Variants in PDE1C observed in about 807,000 individuals in gnomAD.
PDE1C encodes phosphodiesterase 1C.
PDE1C carries 62 observed loss-of-function variants against 93.1 expected under a neutral mutation model. The ratio of observed to expected loss-of-function variants is 0.67; its 90% CI spans 0.54 to 0.82. The LOEUF is 0.82. Among genes scored for constraint, PDE1C ranks in the 40% least tolerant of loss-of-function variants. The pLI is 0.00. For missense variants in PDE1C, 742 were observed against 884.6 expected, an observed-to-expected ratio of 0.84 and a Z score of 2.04; for synonymous variants, 325 against 310.1, an observed-to-expected ratio of 1.05 and a Z score of -0.50.
intron 1 of PDE1C, among the ~76,000 whole-genome samples, chr7:32,309,355 T>C (rs1454777188): frequency 6.6e-6 from 1 of 152,074 alleles, no homozygotes; most frequent in Non-Finnish European, 1.5e-5. Flanking sequence ...ACTTCCCCAG[T>C]CCAGCAAGGC....
At chr7:32,380,902 G>C (rs1784522934) in intron 1 of PDE1C, among the ~76,000 whole-genome samples, 1 of 151,902 alleles carries the variant, frequency 6.6e-6, no homozygotes, top group Admixed American at 6.5e-5. Flanking sequence ...CCCATTTGCA[G>C]CTGTACTGCA....
rs939549194 is a variant in PDE1C, at chr7:31,873,328, T to C, written c.573A>G (p.Glu191=). 3 of 1,613,516 alleles carry C rather than the reference T, an allele frequency of 1.9e-6. No homozygotes were observed. Among genetic ancestry groups the C allele is most frequent in the Non-Finnish European group, 2.5e-6 (3 of 1,179,480 alleles). ...GDHALKFIFY[E]LLTRYDLISR... is the part of the protein sequence containing the mutation. The stretch of plus-strand genomic sequence containing the variant: ...TGATCAGATCATAACGTGTGAGTAG[T>C]TCATAGAAAATAAATTTCAGTGCAT... The change falls in exon 6 of 18, where the codon GAA becomes GAG. Residue 191 remains glutamate (E), a synonymous_variant. Coordinates refer to ENST00000396191, the MANE Select transcript of PDE1C (RefSeq NM_001191057.4).
At chr7:32,388,104 T>C (rs1191379633) in intron 1 of PDE1C, among the ~76,000 whole-genome samples, 3 of 152,214 alleles carry the variant, frequency 2.0e-5, no homozygotes, top group Admixed American at 1.3e-4. Flanking sequence ...ACCGATGTAA[T>C]AGCCAGACTA....
intron 3 of PDE1C, among the ~76,000 whole-genome samples, chr7:32,085,798 C>T (rs1797032616): frequency 6.6e-6 from 1 of 151,516 alleles, no homozygotes. Flanking sequence ...TGACAAAATT[C>T]AACAACATTT....
intron 17 of PDE1C, among the ~76,000 whole-genome samples, chr7:31,754,056 A>G (rs1794286887): frequency 7.2e-6 from 1 of 139,642 alleles, no homozygotes; most frequent in Admixed American, 6.8e-5. Context: ...AAAGCTCAAG[A>G]AAAAGAAACA....
chr7:31,757,267 T>C (rs1179093071), intron 17 of PDE1C, among the ~76,000 whole-genome samples: 1 of 152,222 alleles, frequency 6.6e-6, no homozygotes, highest in Non-Finnish European at 1.5e-5. Context: ...AGAACATACA[T>C]TTAAATCATA....
At chr7:31,891,856 T>G (rs980006031) in intron 2 of PDE1C, among the ~76,000 whole-genome samples, 1 of 151,074 alleles carries the variant, frequency 6.6e-6, no homozygotes, top group African/African-American at 2.4e-5. Flanking sequence ...ACAATAAAAC[T>G]GGAGGGCTCT....
intron 16 of PDE1C, chr7:31,789,688 T>C (rs1584090951): frequency 2.8e-5 from 28 of 984,824 alleles, no homozygotes; most frequent in Non-Finnish European, 3.4e-5. Context: ...TGAAAGGAAA[T>C]TGGAGAAAAC....
At chr7:32,186,550 T>G (rs1024824764) in intron 2 of PDE1C, among the ~76,000 whole-genome samples, 3 of 152,166 alleles carry the variant, frequency 2.0e-5, no homozygotes, top group African/African-American at 4.8e-5. Context: ...AGTAGTTGTT[T>G]TTAGTGGTGG....
chr7:31,951,205 G>C (rs1445338647), intron 2 of PDE1C, among the ~76,000 whole-genome samples: 1 of 152,086 alleles, frequency 6.6e-6, no homozygotes, highest in African/African-American at 2.4e-5. Flanking sequence ...TTCAAACATA[G>C]TCACATTGGG....
intron 1 of PDE1C, among the ~76,000 whole-genome samples, chr7:32,314,342 A>T (rs1783125181): frequency 1.3e-5 from 2 of 152,210 alleles, no homozygotes; most frequent in African/African-American, 4.8e-5. Context: ...CAAAGGGAAT[A>T]GCAGAGAAAA....
chr7:31,866,728 C>G (rs1463929864), intron 6 of PDE1C, among the ~76,000 whole-genome samples: 1 of 152,028 alleles, frequency 6.6e-6, no homozygotes, highest in Non-Finnish European at 1.5e-5. Context: ...GAGGAAACAC[C>G]TAAAGCAAGG....
the PDE1C span, among the ~76,000 whole-genome samples, chr7:31,647,210 G>A: frequency 1.7e-4 from 26 of 152,220 alleles, no homozygotes; most frequent in Admixed American, 1.6e-3. Context: ...CTAAGAGTGA[G>A]CCTGGGTTTG....
intron 2 of PDE1C, among the ~76,000 whole-genome samples, chr7:31,885,805 C>G (rs1170245012): frequency 6.6e-6 from 1 of 152,188 alleles, no homozygotes; most frequent in Non-Finnish European, 1.5e-5. Flanking sequence ...TTATACTGGA[C>G]TAGGCATTAT....
intron 2 of PDE1C, among the ~76,000 whole-genome samples, chr7:32,178,777 C>T (rs185294881): frequency 2.6e-5 from 4 of 152,298 alleles, no homozygotes; most frequent in East Asian, 3.9e-4. Context: ...AAATCCTCTC[C>T]GTTCTCTTCA....
intron 3 of PDE1C, among the ~76,000 whole-genome samples, chr7:32,119,500 G>A (rs1305073221): frequency 6.6e-6 from 1 of 152,144 alleles, no homozygotes; most frequent in Non-Finnish European, 1.5e-5. Flanking sequence ...AACATAATGA[G>A]AGATGACCGA....
intron 1 of PDE1C, among the ~76,000 whole-genome samples, chr7:32,240,806 T>C (rs183925189): frequency 2.6e-5 from 4 of 152,074 alleles, no homozygotes; most frequent in Admixed American, 6.5e-5. Flanking sequence ...TAAGAATTGG[T>C]GGGTGGAAGC....
chr7:31,687,821 A>G, the PDE1C span, among the ~76,000 whole-genome samples: 1 of 152,236 alleles, frequency 6.6e-6, no homozygotes, highest in Non-Finnish European at 1.5e-5. Context: ...ACGAGATACC[A>G]CATAGGCTGT....
intron 2 of PDE1C, among the ~76,000 whole-genome samples, chr7:32,179,340 AC>A (rs1028817070): frequency 2.1e-4 from 32 of 149,746 alleles, no homozygotes; most frequent in African/African-American, 7.4e-4. Context: ...GCTCACTGCA[AC>A]CTCCACCTCC....
Sources: allele counts gnomAD v4.1 joint callset (sites outside exome capture counted in the v4.1 genomes callset), GRCh38; gene constraint gnomAD v4.1.1; transcripts MANE v1.5; gene names NCBI Gene and HGNC (gene_info 2026-07-23, HGNC 2026-07-21).